Variants in FGF14 observed in about 807,000 individuals in gnomAD.
The protein encoded by FGF14 is fibroblast growth factor homologous factor 4.
A neutral mutation model predicts 25.5 loss-of-function variants in FGF14; 5 were observed. The ratio of observed to expected loss-of-function variants is 0.20; its 90% confidence interval spans 0.10 to 0.41. The LOEUF (loss-of-function observed/expected upper bound fraction) is 0.41, where lower values mean the gene tolerates loss of function less well. Among genes scored for constraint, FGF14 ranks in the 10% least tolerant of loss-of-function variants. The pLI is 1.00. For missense variants in FGF14, 222 were observed against 320.1 expected, an observed-to-expected ratio of 0.69 and a Z score of 2.34; for synonymous variants, 138 against 118.3, an observed-to-expected ratio of 1.17 and a Z score of -1.08.
intron 3 of FGF14, among the ~76,000 whole-genome samples, chr13:101,761,855 A>AATCTAATG (rs1182502695): frequency 6.6e-6 from 1 of 152,164 alleles, no homozygotes; most frequent in Non-Finnish European, 1.5e-5. Context: ...TTCAGTTCAT[A>AATCTAATG]ATCTAATGGC....
chr13:102,200,033 A>G (rs780901087), intron 1 of FGF14, among the ~76,000 whole-genome samples: 1 of 152,182 alleles, frequency 6.6e-6, no homozygotes, highest in Non-Finnish European at 1.5e-5. Flanking sequence ...TTTCACTTGC[A>G]ATTTTACTTA....
At chr13:102,238,512 T>C (rs1449455994) in intron 1 of FGF14, among the ~76,000 whole-genome samples, 1 of 152,232 alleles carries the variant, frequency 6.6e-6, no homozygotes, top group African/African-American at 2.4e-5. Flanking sequence ...AATCAGATGA[T>C]ATTTCAGAGA....
At chr13:101,728,845 T>A (rs1035564477) in intron 3 of FGF14, among the ~76,000 whole-genome samples, 6 of 152,122 alleles carry the variant, frequency 3.9e-5, no homozygotes, top group African/African-American at 1.2e-4. Flanking sequence ...CTCATCCTGT[T>A]GCTACAAACA....
chr13:101,867,889 G>GACAGACAC (rs2044799496), intron 3 of FGF14, among the ~76,000 whole-genome samples: 1 of 140,590 alleles, frequency 7.1e-6, no homozygotes, highest in South Asian at 2.4e-4. Context: ...TTCTGTTTAA[G>GACAGACAC]ACACACACAC....
At chr13:102,099,588 G>C (rs1441801876) in intron 1 of FGF14, among the ~76,000 whole-genome samples, 2 of 151,504 alleles carry the variant, frequency 1.3e-5, no homozygotes, top group Non-Finnish European at 2.9e-5. Flanking sequence ...GTTCAAAAAA[G>C]GCTCAAAGTC....
At chr13:102,390,941 T>G (rs567284012) in intron 1 of FGF14, among the ~76,000 whole-genome samples, 2 of 152,332 alleles carry the variant, frequency 1.3e-5, no homozygotes, top group East Asian at 3.9e-4. Context: ...CTTTTACATG[T>G]TAATTTGAAG....
intron 1 of FGF14, among the ~76,000 whole-genome samples, chr13:102,360,555 G>A (rs1258633497): frequency 6.6e-6 from 1 of 152,038 alleles, no homozygotes; most frequent in Admixed American, 6.6e-5. Flanking sequence ...TAGCTACTTG[G>A]TAAAATGATT....
intron 3 of FGF14, among the ~76,000 whole-genome samples, chr13:101,793,215 G>GT (rs751264950): frequency 1.3e-5 from 2 of 152,018 alleles, no homozygotes; most frequent in Non-Finnish European, 2.9e-5. Context: ...TCTACCCTCT[G>GT]TTTTCATGAG....
intron 3 of FGF14, among the ~76,000 whole-genome samples, chr13:101,856,778 T>C (rs1410356563): frequency 6.6e-6 from 1 of 152,036 alleles, no homozygotes; most frequent in African/African-American, 2.4e-5. Context: ...TTTTATTCTA[T>C]ATTACCTATA....
At chr13:102,397,577 C>A (rs1363530240) in intron 1 of FGF14, among the ~76,000 whole-genome samples, 1 of 152,112 alleles carries the variant, frequency 6.6e-6, no homozygotes, top group Non-Finnish European at 1.5e-5. Context: ...TCCTACCAAG[C>A]CATGGAAGTT....
At chr13:102,250,372 T>G (rs1056280701) in intron 1 of FGF14, among the ~76,000 whole-genome samples, 1 of 152,174 alleles carries the variant, frequency 6.6e-6, no homozygotes, top group African/African-American at 2.4e-5. Flanking sequence ...CACAGTATAT[T>G]GTGCATATGC....
intron 1 of FGF14, among the ~76,000 whole-genome samples, chr13:102,131,742 A>C (rs558869419): frequency 6.6e-6 from 1 of 152,304 alleles, no homozygotes; most frequent in South Asian, 2.1e-4. Context: ...AAGATGTTCT[A>C]GGCTTTATTT....
intron 1 of FGF14, among the ~76,000 whole-genome samples, chr13:101,897,816 C>T (rs1176532841): frequency 6.6e-6 from 1 of 152,182 alleles, no homozygotes; most frequent in Non-Finnish European, 1.5e-5. Context: ...AAATCTGAAA[C>T]TTCTTGAACA....
Position 102,148,728 on chromosome 13 carries a change from T to C in FGF14, c.208+252743A>G, listed in dbSNP as rs139347105. ...GGAGCTTGAACCCAGGAGGTGGACGTTGCAGTGAGCCGAGATCGCACCACT... is the reference window on the plus strand; with the variant it reads ...GGAGCTTGAACCCAGGAGGTGGACGCTGCAGTGAGCCGAGATCGCACCACT... On this transcript the variant is annotated intron_variant, in intron 1 of 4. Transcript: ENST00000376131. 6.1e-3 allele frequency among the ~76,000 whole-genome samples: 933 copies of C among 152,068 alleles called. 33 individuals carry two copies. The highest frequency in any genetic ancestry group is 0.052 in the Admixed American group (796 of 15,264).
chr13:102,180,210 C>T (rs2048610906), intron 1 of FGF14, among the ~76,000 whole-genome samples: 2 of 152,184 alleles, frequency 1.3e-5, no homozygotes, highest in South Asian at 4.1e-4. Context: ...ATTCTGTTGA[C>T]AGTATGAATG....
intron 1 of FGF14, among the ~76,000 whole-genome samples, chr13:102,001,295 A>G (rs1442306661): frequency 6.6e-6 from 1 of 152,212 alleles, no homozygotes; most frequent in Non-Finnish European, 1.5e-5. Context: ...AATCATCCTA[A>G]GCATAATACC....
intron 1 of FGF14, among the ~76,000 whole-genome samples, chr13:101,907,409 A>T (rs2032380326): frequency 6.6e-6 from 1 of 152,172 alleles, no homozygotes; most frequent in South Asian, 2.1e-4. Context: ...GGTAGGTTTA[A>T]AGTATTTCGA....
intron 1 of FGF14, among the ~76,000 whole-genome samples, chr13:102,212,328 C>G (rs982663990): frequency 1.3e-5 from 2 of 152,190 alleles, no homozygotes; most frequent in African/African-American, 4.8e-5. Flanking sequence ...GAGCATCACA[C>G]AAATTCATCG....
intron 1 of FGF14, chr13:102,395,452 A>G (rs2058557222): frequency 6.6e-6 from 1 of 152,158 alleles, no homozygotes; most frequent in Admixed American, 6.5e-5. Flanking sequence ...CTGAGAAGGA[A>G]GCTATAAAAT....
Sources: gnomAD v4.1 joint callset for allele counts (sites outside exome capture counted in the v4.1 genomes callset) on GRCh38, gnomAD v4.1.1 for gene constraint, MANE v1.5 for transcripts, NCBI Gene and HGNC (gene_info 2026-07-23, HGNC 2026-07-21) for gene names.